USP10: variants seen among roughly 807,000 people sequenced by gnomAD.
USP10 encodes the protein ubiquitin specific peptidase 10.
A neutral mutation model predicts 84.5 loss-of-function variants in USP10; 22 were observed. The observed-to-expected ratio is 0.26, with a 90% CI of 0.19 to 0.37. USP10 has a LOEUF of 0.37. Ranked by LOEUF, USP10 falls within the 10% of genes least tolerant of loss-of-function variation. The pLI, the probability that USP10 is intolerant of heterozygous loss-of-function variation, is 1.00. For missense variants in USP10, 1,019 were observed against 998.9 expected (o/e 1.02, Z -0.27); for synonymous variants, 454 against 387.6 (o/e 1.17, Z -2.01).
chr16:84,777,581 C>G (rs962685554), intron 13 of USP10, among the ~76,000 whole-genome samples: 1 of 152,186 alleles, frequency 6.6e-6, no homozygotes, highest in Non-Finnish European at 1.5e-5. Context: ...GTCTTGCTGT[C>G]CCTATGCTGT....
intron 1 of USP10, among the ~76,000 whole-genome samples, chr16:84,702,691 TAC>T (rs1385717063): frequency 1.3e-5 from 2 of 152,080 alleles, no homozygotes; most frequent in African/African-American, 4.8e-5. Flanking sequence ...TGGAAAAAGT[TAC>T]AGTTTAAAAA....
chr16:84,750,632 C>G (rs1471164333), intron 4 of USP10, among the ~76,000 whole-genome samples: 2 of 152,126 alleles, frequency 1.3e-5, no homozygotes, highest in East Asian at 3.8e-4. Context: ...AGGAACATTC[C>G]TCATATACTA....
intron 4 of USP10, among the ~76,000 whole-genome samples, chr16:84,756,787 C>T (rs964117128): frequency 6.6e-6 from 1 of 152,186 alleles, no homozygotes; most frequent in African/African-American, 2.4e-5. Context: ...ACTGCAATGA[C>T]ATTAGTTGCT....
intron 8 of USP10, 26 bp downstream of exon 8, chr16:84,760,301 G>C: frequency 6.4e-7 from 1 of 1,562,640 alleles, no homozygotes. Context: ...GTTGTCACTA[G>C]TATCAAGTGT....
chr16:84,775,138 C>G (rs747483559), intron 12 of USP10, 22 bp from the exon 13 acceptor site: 1 of 1,611,864 alleles, frequency 6.2e-7, no homozygotes, highest in East Asian at 2.2e-5. Flanking sequence ...GTGCTTCAAG[C>G]CATTGATATT....
intron 4 of USP10, among the ~76,000 whole-genome samples, chr16:84,757,084 A>G (rs1316195742): frequency 2.0e-5 from 3 of 152,196 alleles, no homozygotes; most frequent in Non-Finnish European, 4.4e-5. Flanking sequence ...GGTTATGATA[A>G]TTATGAATAA....
chr16:84,736,026 G>A (rs1046266437), intron 2 of USP10, among the ~76,000 whole-genome samples: 1 of 150,950 alleles, frequency 6.6e-6, no homozygotes, highest in African/African-American at 2.4e-5. Flanking sequence ...GAGTGGCGAG[G>A]GCGTGTCACT....
chr16:84,722,476 G>C (rs1907939358), intron 1 of USP10, among the ~76,000 whole-genome samples: 1 of 152,194 alleles, frequency 6.6e-6, no homozygotes, highest in African/African-American at 2.4e-5. Context: ...AAACTGCAAG[G>C]CTTTTTCAAA....
chr16:84,709,999 G>A (rs1028417731), intron 1 of USP10, among the ~76,000 whole-genome samples: 3 of 152,212 alleles, frequency 2.0e-5, no homozygotes, highest in Non-Finnish European at 4.4e-5. Context: ...GGCCGGGTGC[G>A]AGGCTCACGC....
intron 1 of USP10, among the ~76,000 whole-genome samples, chr16:84,707,103 T>C (rs114449689): frequency 6.6e-6 from 1 of 152,328 alleles, no homozygotes; most frequent in African/African-American, 2.4e-5. Context: ...GTCAAATGGC[T>C]GCTGGCCATC....
chr16:84,761,806 A>C (rs1205595260), intron 8 of USP10, among the ~76,000 whole-genome samples: 1 of 152,280 alleles, frequency 6.6e-6, no homozygotes, highest in Admixed American at 6.5e-5. Flanking sequence ...CCAAATTCCC[A>C]GACACCAGCC....
chr16:84,755,179 T>C (rs940471049), intron 4 of USP10, among the ~76,000 whole-genome samples: 19 of 151,140 alleles, frequency 1.3e-4, no homozygotes, highest in African/African-American at 4.4e-4. Context: ...GTGGCTGCTT[T>C]CATTTCCTTC....
At chr16:84,761,225 C>A (rs74442068) in intron 8 of USP10, among the ~76,000 whole-genome samples, 1,792 of 152,222 alleles carry the variant, frequency 0.012, 28 homozygotes, top group African/African-American at 0.041. Flanking sequence ...TGCCTTAGAA[C>A]CCAGAGGGGC....
intron 1 of USP10, chr16:84,716,498 A>G (rs1157126972): frequency 6.6e-6 from 1 of 152,244 alleles, no homozygotes; most frequent in Non-Finnish European, 1.5e-5. Flanking sequence ...AGGAGATAAC[A>G]GTTCATTCAC....
chr16:84,724,383 C>G (rs1908189294), intron 1 of USP10, among the ~76,000 whole-genome samples: 5 of 152,104 alleles, frequency 3.3e-5, no homozygotes, highest in Admixed American at 1.3e-4. Flanking sequence ...AAAAACCATA[C>G]TTTGAGAGGT....
At chr16:84,755,255 C>G (rs1912398169) in intron 4 of USP10, among the ~76,000 whole-genome samples, 1 of 151,750 alleles carries the variant, frequency 6.6e-6, no homozygotes, top group Non-Finnish European at 1.5e-5. Context: ...GGCATCTTCG[C>G]CCTAACTCTG....
At chr16:84,717,069 T>C (rs569290999) in intron 1 of USP10, among the ~76,000 whole-genome samples, 18 of 152,336 alleles carry the variant, frequency 1.2e-4, no homozygotes, top group Admixed American at 2.0e-4. Context: ...CTTGTGAATG[T>C]GCACATTTAG....
At chr16:84,754,146 G>A (rs966871443) in intron 4 of USP10, among the ~76,000 whole-genome samples, 1 of 152,196 alleles carries the variant, frequency 6.6e-6, no homozygotes, top group Admixed American at 6.5e-5. Context: ...CAGGTAGGCA[G>A]TGATGAGGTC....
chr16:84,748,322 G>A (rs890088305), intron 4 of USP10, among the ~76,000 whole-genome samples: 1 of 151,850 alleles, frequency 6.6e-6, no homozygotes, highest in Admixed American at 6.6e-5. Flanking sequence ...CTTTATTTTT[G>A]AGAGGGGGTC....
Sources: allele counts gnomAD v4.1 joint callset (sites outside exome capture counted in the v4.1 genomes callset), GRCh38; gene constraint gnomAD v4.1.1; transcripts MANE v1.5; gene names NCBI Gene and HGNC (gene_info 2026-07-23, HGNC 2026-07-21).